SLC31A2: variants seen among roughly 807,000 people sequenced by gnomAD.
SLC31A2 encodes solute carrier family 31 member 2.
A neutral mutation model predicts 14.4 loss-of-function variants in SLC31A2; 16 were observed. The ratio of observed to expected loss-of-function variants is 1.11; its 90% CI spans 0.75 to 1.69. The LOEUF is 1.69. Ranked by LOEUF, SLC31A2 falls within the 40% of genes most tolerant of loss-of-function variation. The pLI is 0.00. For missense variants in SLC31A2, 140 were observed against 173.9 expected (o/e 0.81, Z 1.10); for synonymous variants, 56 against 68.7 (o/e 0.82, Z 0.91).
rs910440789 is a variant in SLC31A2 at position 113,151,141 on chromosome 9, C to T, written c.6+61C>T. 3 of 1,276,798 alleles carry T rather than the reference C, an allele frequency of 2.3e-6. No homozygotes were observed. The highest frequency in any genetic ancestry group is 2.0e-6 in the Non-Finnish European group (2 of 1,003,002). 79.1% of individuals were successfully genotyped at this position (1,276,798 alleles called of 1,614,324 possible). On this transcript the variant is annotated intron_variant, in intron 1 of 3. Coordinates refer to ENST00000259392, the MANE Select transcript of SLC31A2 (RefSeq NM_001860.3). This position sits in a 1 kb window ranked among gnomAD's most constrained non-coding sequence, Gnocchi z 4.2. ...GTTGGGGCGGGGTCTCCTGGAGCTG[C>T]CATCTCGGCACCCCGAATCCTCGCT...
intron 1 of SLC31A2, among the ~76,000 whole-genome samples, chr9:113,153,673 A>C (rs7028165): frequency 0.56 from 85,816 of 152,066 alleles, 24,454 homozygotes; most frequent in Non-Finnish European, 0.6. Flanking sequence ...AGGCACATGC[A>C]GTCCCTCAGA....
intron 2 of SLC31A2, among the ~76,000 whole-genome samples, chr9:113,159,213 C>T (rs1829974291): frequency 6.6e-6 from 1 of 152,134 alleles, no homozygotes. Context: ...TCACTGCAAT[C>T]TCCACCTCCC....
rs767071025 is a variant in SLC31A2, at chr9:113,162,808, A to G, written c.323A>G (p.Tyr108Cys). Residue 108 changes from tyrosine (Y) to cysteine (C), a missense_variant, in exon 4 of 4, where the codon TAC becomes TGC. Physicochemically the swap from Tyr to Cys is radical, Grantham distance 194. Coordinates refer to ENST00000259392, the MANE Select transcript of SLC31A2 (RefSeq NM_001860.3). ...CATGTCATCCAGGTGGTCATCGGCT[A>G]CTTCATCATGCTGGCCGTAATGTCC... ...LIHVIQVVIG[Y>C]FIMLAVMSYN... 7 of 1,613,550 alleles carry G rather than the reference A, an allele frequency of 4.3e-6. No individual in the cohort carries two copies. Among genetic ancestry groups the G allele is most frequent in the Non-Finnish European group, 5.9e-6 (7 of 1,179,752 alleles).
Position 113,162,918 on chromosome 9 carries a change from C to G in SLC31A2, c.*1C>G, listed in dbSNP as rs1128773. 20 of 1,604,914 alleles carry G rather than the reference C, an allele frequency of 1.2e-5. No individual in the cohort carries two copies. The highest frequency in any genetic ancestry group is 1.6e-5 in the Non-Finnish European group (19 of 1,176,088). On this transcript the variant is annotated 3_prime_UTR_variant, in exon 4 of 4. Transcript: ENST00000259392. ...TTACCCACTTCTCAGCACAGCTTAGCTGGTGAGGAACGTGCAGGCACTGAG... is the reference window on the plus strand; with the variant it reads ...TTACCCACTTCTCAGCACAGCTTAGGTGGTGAGGAACGTGCAGGCACTGAG...
Position 113,163,073 on chromosome 9 carries a change from G to A in SLC31A2, c.*156G>A. The A allele has an allele frequency of 1.5e-6, 1 of 664,568 alleles. No individual in the cohort carries two copies. The highest frequency in any genetic ancestry group is 2.4e-5 in the South Asian group (1 of 41,678). The allele number at this position is 664,568 out of a possible 1,614,324, so 41.2% of individuals were successfully genotyped here. On this transcript the variant is annotated 3_prime_UTR_variant, in exon 4 of 4. Transcript: ENST00000259392. Reference sequence around the variant, plus strand: ...CTGAAGCCAGCACTTGCTCCCTGGAGTTCGGAAGCCATTGCAGCAACCTTC... The same window carrying A: ...CTGAAGCCAGCACTTGCTCCCTGGAATTCGGAAGCCATTGCAGCAACCTTC...
At chr9:113,153,906 C>T (rs151322194) in intron 1 of SLC31A2, among the ~76,000 whole-genome samples, 5 of 152,172 alleles carry the variant, frequency 3.3e-5, no homozygotes, top group African/African-American at 1.2e-4. Context: ...CAGGCTGCAG[C>T]GTCCAAATCT....
At chr9:113,157,631 A>C in intron 1 of SLC31A2, 96 bp from the exon 2 acceptor site, 1 of 1,030,204 alleles carries the variant, frequency 9.7e-7, no homozygotes, top group Non-Finnish European at 1.5e-6. Flanking sequence ...CAGTGACCCC[A>C]TTTTTCTGGG....
intron 1 of SLC31A2, chr9:113,152,038 A>G (rs2118822728): frequency 6.6e-6 from 1 of 152,350 alleles, no homozygotes; most frequent in East Asian, 1.9e-4. Context: ...ATAGATGGAA[A>G]GCACTTGCAA....
chr9:113,158,014 G>A (rs1257591039), intron 2 of SLC31A2: 1 of 629,038 alleles, frequency 1.6e-6, no homozygotes, highest in Non-Finnish European at 3.0e-6. Flanking sequence ...AGGCCGAGAG[G>A]CAGGGAGGCA....
At position 113,162,700 on chromosome 9, in the gene SLC31A2, T is replaced by G. The variant is rs368506721; in HGVS notation, c.264-49T>G. ...TCCCTGATATCTACTCCCAGCTTCCTCATTACCAGCTCATTACCAGGATTA... is the reference window on the plus strand; with the variant it reads ...TCCCTGATATCTACTCCCAGCTTCCGCATTACCAGCTCATTACCAGGATTA... On this transcript the variant is annotated intron_variant, in intron 3 of 3. Transcript: ENST00000259392. 1.1e-4 allele frequency: 168 copies of G among 1,555,148 alleles called. 1 individual carries two copies. The Middle Eastern group carries it at 1.8e-3, about 16-fold the overall frequency.
intron 1 of SLC31A2, among the ~76,000 whole-genome samples, chr9:113,156,971 G>C (rs1829941735): frequency 6.6e-6 from 1 of 152,128 alleles, no homozygotes; most frequent in Non-Finnish European, 1.5e-5. Flanking sequence ...CTGTAAAATG[G>C]ACCTAATTGT....
At chr9:113,154,331 T>C (rs938552185) in intron 1 of SLC31A2, among the ~76,000 whole-genome samples, 1 of 152,194 alleles carries the variant, frequency 6.6e-6, no homozygotes, top group African/African-American at 2.4e-5. Context: ...CACAGGGGGC[T>C]TTCTGCGTGT....
At chr9:113,156,279 C>G (rs1829933510) in intron 1 of SLC31A2, 1 of 413,320 alleles carries the variant, frequency 2.4e-6, no homozygotes, top group African/African-American at 2.0e-5. Flanking sequence ...GGAGGTCCGG[C>G]AAATCCTTTT....
At chr9:113,154,698 C>G (rs571635326) in intron 1 of SLC31A2, among the ~76,000 whole-genome samples, 5 of 152,330 alleles carry the variant, frequency 3.3e-5, no homozygotes, top group African/African-American at 1.2e-4. Context: ...GGGACTGACT[C>G]TGCCTCTGTG....
At chr9:113,153,929 G>A (rs1829901087) in intron 1 of SLC31A2, among the ~76,000 whole-genome samples, 1 of 152,190 alleles carries the variant, frequency 6.6e-6, no homozygotes. Context: ...GAGATGCATA[G>A]ATGTGGTGCC....
intron 1 of SLC31A2, among the ~76,000 whole-genome samples, chr9:113,154,767 C>G (rs1305655533): frequency 6.6e-6 from 1 of 152,196 alleles, no homozygotes; most frequent in Non-Finnish European, 1.5e-5. Flanking sequence ...GTCCTCCCTC[C>G]CACCCTATCC....
At chr9:113,162,084 G>A in intron 3 of SLC31A2, 2 of 345,006 alleles carry the variant, frequency 5.8e-6, no homozygotes, top group South Asian at 4.9e-5. Flanking sequence ...CCCACTTGGT[G>A]GGAGGAGGAT....
intron 2 of SLC31A2, among the ~76,000 whole-genome samples, chr9:113,159,525 T>A (rs929237663): frequency 6.6e-6 from 1 of 152,206 alleles, no homozygotes; most frequent in Non-Finnish European, 1.5e-5. Flanking sequence ...CCTGCATCTG[T>A]CAGATGATTT....
At chr9:113,157,819 T>C (rs4344146) in intron 2 of SLC31A2, 26 bp downstream of exon 2, 904,251 of 1,588,848 alleles carry the variant, frequency 0.57, 259,278 homozygotes, top group African/African-American at 0.67. Flanking sequence ...CTCAGACTTG[T>C]AGCTTGGAAA....
Sources: allele counts gnomAD v4.1 joint callset (sites outside exome capture counted in the v4.1 genomes callset), GRCh38; gene constraint gnomAD v4.1.1; non-coding constraint Gnocchi (gnomAD v3.1); transcripts MANE v1.5; gene names NCBI Gene and HGNC (gene_info 2026-07-23, HGNC 2026-07-21).